The following FRY variants were observed in gnomAD, a reference collection of about 807,000 sequenced individuals.
The protein encoded by FRY is protein furry homolog.
In FRY, 128 loss-of-function variants were observed where a neutral mutation model predicts 348.4. That is an observed-to-expected ratio of 0.37 (90% CI 0.32 to 0.43). The LOEUF (loss-of-function observed/expected upper bound fraction) is 0.43, where lower values mean the gene tolerates loss of function less well. Among genes scored for constraint, FRY ranks in the 20% least tolerant of loss-of-function variants. The pLI is 1.00. For synonymous variants in FRY, 1,370 were observed against 1,374.7 expected, an observed-to-expected ratio of 1.00 and a Z score of 0.08; for missense variants, 2,736 against 3,695.2, an observed-to-expected ratio of 0.74 and a Z score of 6.73.
At chr13:32,184,920 G>C in intron 25 of FRY, 56 bp from the exon 26 acceptor site, 1 of 1,427,752 alleles carries the variant, frequency 7.0e-7, no homozygotes. Context: ...CATGAAGCCT[G>C]TATTACTTTG....
At position 32,289,616 on chromosome 13, in the gene FRY, G is replaced by A; in HGVS notation, c.8470-17G>A. 14 of 1,380,106 alleles carry A rather than the reference G, an allele frequency of 1.0e-5. No individual in the cohort carries two copies. Among genetic ancestry groups the A allele is most frequent in the East Asian group, 2.3e-5 (1 of 43,758 alleles). The allele number at this position is 1,380,106 out of a possible 1,614,324, so 85.5% of individuals were successfully genotyped here. A position where few individuals can be genotyped will look rare whatever the true frequency, so the allele number is the denominator to read the frequency against. On this transcript the variant is annotated splice_polypyrimidine_tract_variant and intron_variant, in intron 58 of 60. Transcript: ENST00000542859. ...TTTAACAATAACTGTTTCTTCCCAT[G>A]CAATTTCTCTCTTTAGCAATTGGAA...
At position 32,249,639 on chromosome 13, in the gene FRY, C is replaced by A; in HGVS notation, c.7122C>A (p.Asn2374Lys). The part of the protein sequence containing the change: ...RSTSSTSSGS[N>K]SNVLVPVSWK... The stretch of plus-strand genomic sequence containing the variant: ...CATCTTCCACTTCCTCAGGCTCCAA[C>A]TCCAACGTCCTTGTTCCAGTGAGCT... The change falls in exon 49 of 61, where the codon AAC (asparagine) becomes AAA (lysine). Residue 2374 changes from asparagine (N) to lysine (K), a missense_variant. This residue lies in a region of FRY where 789 missense variants were observed against 996.2 expected (regional missense o/e 0.79). Transcript: ENST00000542859. 1.9e-6 allele frequency: 3 copies of A among 1,614,220 alleles called. No individual in the cohort carries two copies. Among genetic ancestry groups the A allele is most frequent in the Non-Finnish European group, 2.5e-6 (3 of 1,180,032 alleles).
At chr13:32,178,630 A>G (rs562309576) in intron 21 of FRY, among the ~76,000 whole-genome samples, 194 bp downstream of exon 21, 6 of 152,290 alleles carry the variant, frequency 3.9e-5, no homozygotes, top group African/African-American at 1.4e-4. Flanking sequence ...AATCAGTATG[A>G]TTGTCTAAGT....
At chr13:32,149,092 TATTA>T (rs566109973) in intron 13 of FRY, among the ~76,000 whole-genome samples, 170 of 148,338 alleles carry the variant, frequency 1.1e-3, no homozygotes, top group Non-Finnish European at 2.1e-3. Flanking sequence ...AAATTATATA[TATTA>T]ATTATTTATA....
intron 2 of FRY, chr13:32,085,778 CA>C: frequency 2.2e-6 from 1 of 463,326 alleles, no homozygotes; most frequent in South Asian, 1.6e-5. Flanking sequence ...GAGGCTTGAG[CA>C]GGGGACTTGA....
At chr13:32,257,076 A>G (rs144858881) in intron 51 of FRY, among the ~76,000 whole-genome samples, 2 of 152,338 alleles carry the variant, frequency 1.3e-5, no homozygotes, top group Admixed American at 1.3e-4. Context: ...CCCATCCCCA[A>G]GATATCTCAT....
At chr13:32,167,578 A>G (rs530262260) in intron 17 of FRY, among the ~76,000 whole-genome samples, 2 of 152,322 alleles carry the variant, frequency 1.3e-5, no homozygotes, top group East Asian at 3.9e-4. Flanking sequence ...CTCATTTCCA[A>G]ATAAGGTCAC....
intron 54 of FRY, 142 bp downstream of exon 54, chr13:32,265,758 C>A: frequency 1.2e-6 from 1 of 837,628 alleles, no homozygotes; most frequent in Non-Finnish European, 2.0e-6. Context: ...ATGGCAGGCT[C>A]TCAGCTGAGT....
chr13:32,227,334 T>G (rs1476486251), intron 39 of FRY, among the ~76,000 whole-genome samples: 1 of 152,248 alleles, frequency 6.6e-6, no homozygotes, highest in Non-Finnish European at 1.5e-5. Context: ...GTCTTGACTT[T>G]ATTATAATAG....
rs1295428780 is a variant in FRY at position 32,079,046 on chromosome 13, C to T, written c.270+13C>T. ...GGCAGAGCCCCTGGTGAGTACATGC[C>T]GTGGAAACTGCCTCTTTGAAAATTC... is the stretch of plus-strand genomic sequence containing the variant. On this transcript the variant is annotated intron_variant, in intron 2 of 60. Coordinates refer to ENST00000542859, the MANE Select transcript of FRY (RefSeq NM_023037.3). 14 of 1,579,064 alleles carry T rather than the reference C, an allele frequency of 8.9e-6. No homozygotes were observed. Among genetic ancestry groups the T allele is most frequent in the African/African-American group, 1.3e-5 (1 of 74,250 alleles).
chr13:32,225,643 C>T lies in FRY; in HGVS notation c.5021-146C>T, dbSNP rs1885540459. 17 of 750,468 alleles carry T rather than the reference C, an allele frequency of 2.3e-5. 1 individual carries two copies. The South Asian group carries it at 2.5e-4, about 11-fold the overall frequency. The allele number at this position is 750,468 out of a possible 1,614,324, so 46.5% of individuals were successfully genotyped here. On this transcript the variant is annotated intron_variant, in intron 38 of 60. Transcript: ENST00000542859. ...ATTTTATTTTTCCTAAGCCCAACTC[C>T]TGTATGTTGGTAACCCAAACAATAA... is the stretch of plus-strand genomic sequence containing the variant.
intron 30 of FRY, 100 bp downstream of exon 30, chr13:32,202,140 T>G (rs1017986864): frequency 2.6e-5 from 22 of 852,286 alleles, no homozygotes; most frequent in African/African-American, 5.0e-5. Flanking sequence ...AGGCCTTTGT[T>G]TATTTCTGCA....
chr13:32,291,841 G>T (rs57877322), intron 59 of FRY, among the ~76,000 whole-genome samples: 2 of 152,210 alleles, frequency 1.3e-5, no homozygotes, highest in Admixed American at 1.3e-4. Flanking sequence ...AGTAACTGCA[G>T]ATGTGGTAAA....
Position 32,239,222 on chromosome 13 carries a change from G to A in FRY, c.6419-30G>A. ...TAACAGCTAAAATATACCATATTCA[G>A]CTATCTCCATTGTATCTTCTCTAAT... On this transcript the variant is annotated intron_variant, in intron 44 of 60. Coordinates refer to ENST00000542859, the MANE Select transcript of FRY (RefSeq NM_023037.3). The surrounding 1 kb of genome is among the most constrained non-coding windows in gnomAD (Gnocchi z 4.3). 7.8e-7 allele frequency: 1 copy of A among 1,277,092 alleles called. No individual in the cohort carries two copies. Among genetic ancestry groups the A allele is most frequent in the Non-Finnish European group, 1.1e-6 (1 of 873,118 alleles). The allele number at this position is 1,277,092 out of a possible 1,614,324, so 79.1% of individuals were successfully genotyped here. A position where few individuals can be genotyped will look rare whatever the true frequency, so the allele number is the denominator to read the frequency against.
chr13:32,206,186 A>G (rs1326665960), intron 31 of FRY, among the ~76,000 whole-genome samples: 4 of 152,136 alleles, frequency 2.6e-5, no homozygotes, highest in African/African-American at 9.7e-5. Context: ...GGATGAGATC[A>G]GGAATGGAGA....
At chr13:32,052,856 G>A (rs1593562285) in intron 1 of FRY, among the ~76,000 whole-genome samples, 1 of 152,180 alleles carries the variant, frequency 6.6e-6, no homozygotes, top group Middle Eastern at 3.4e-3. Flanking sequence ...GCTAATGCCT[G>A]TAATCCCAGT....
chr13:32,193,613 T>A (rs1883488070), intron 28 of FRY, among the ~76,000 whole-genome samples: 1 of 141,920 alleles, frequency 7.0e-6, no homozygotes, highest in Non-Finnish European at 1.6e-5. Context: ...TGAGACCTAG[T>A]CTCACTCTGT....
At chr13:32,224,840 C>A in intron 37 of FRY, 93 bp from the exon 38 acceptor site, 2 of 820,774 alleles carry the variant, frequency 2.4e-6, no homozygotes, top group Non-Finnish European at 4.3e-6. Flanking sequence ...GTTTTAAAAA[C>A]ACTTAAGAGT....
chr13:32,182,626 T>A (rs1882780200), intron 23 of FRY, among the ~76,000 whole-genome samples: 1 of 152,240 alleles, frequency 6.6e-6, no homozygotes, highest in South Asian at 2.1e-4. Flanking sequence ...TAGCAAATAC[T>A]TGGAAAATAT....
Sources: gnomAD v4.1 joint callset for allele counts (sites outside exome capture counted in the v4.1 genomes callset) on GRCh38, gnomAD v4.1.1 for gene constraint, gnomAD v4.1.1 regional missense constraint, Gnocchi (gnomAD v3.1) non-coding constraint, MANE v1.5 for transcripts, NCBI Gene and HGNC (gene_info 2026-07-23, HGNC 2026-07-21) for gene names.